The following LMAN2L variants were observed in gnomAD, a reference collection of about 807,000 sequenced individuals.
The protein encoded by LMAN2L is lectin, mannose binding 2 like.
A neutral mutation model predicts 44.3 loss-of-function variants in LMAN2L; 30 were observed. The observed-to-expected ratio is 0.68, with a 90% CI of 0.51 to 0.92. The LOEUF (loss-of-function observed/expected upper bound fraction) is 0.92, where lower values mean the gene tolerates loss of function less well. Among genes scored for constraint, LMAN2L ranks in the 40% least tolerant of loss-of-function variants. LMAN2L has a pLI of 0.00. For missense variants in LMAN2L, 429 were observed against 446.1 expected (o/e 0.96, Z 0.35); for synonymous variants, 183 against 171.1 (o/e 1.07, Z -0.54).
At position 96,707,759 on chromosome 2, in the gene LMAN2L, G is replaced by A. The variant is rs746554700; in HGVS notation, c.859C>T (p.Arg287Ter). ...ERTPEEEKLH[R>*]DVFLPSVDNM... ...TCCACTGAGGGCAAGAACACATCTC[G>A]ATGGAGCTTTTCCTCTTCTGGGGTT... Residue 287 changes from arginine to a stop codon, truncating the protein, a stop_gained, in exon 7 of 8, where the codon CGA becomes TGA. Coordinates refer to ENST00000264963, the MANE Select transcript of LMAN2L (RefSeq NM_030805.4). LOFTEE classifies it high-confidence loss of function. 3 of 1,613,918 alleles carry A rather than the reference G, an allele frequency of 1.9e-6. No homozygotes were observed. The highest frequency in any genetic ancestry group is 8.5e-7 in the Non-Finnish European group (1 of 1,179,940).
At chr2:96,721,326 C>CTTTTTTTTTTTTTTTTTTTTTTTTT (rs56023035) in intron 4 of LMAN2L, among the ~76,000 whole-genome samples, 3 of 84,600 alleles carry the variant, frequency 3.5e-5, no homozygotes, top group African/African-American at 9.8e-5. Flanking sequence ...TTCTTTCAGT[C>CTTTTTTTTTTTTTTTTTTTTTTTTT]TTTTTTTTTT....
At chr2:96,716,331 TAAGAAA>T (rs1467690309) in intron 4 of LMAN2L, among the ~76,000 whole-genome samples, 119 of 152,300 alleles carry the variant, frequency 7.8e-4, no homozygotes, top group East Asian at 1.3e-3. Flanking sequence ...ATTTAGCACT[TAAGAAA>T]AAGAACTTCA....
intron 4 of LMAN2L, chr2:96,712,982 T>G: frequency 2.7e-6 from 2 of 750,578 alleles, no homozygotes; most frequent in South Asian, 1.7e-5. Flanking sequence ...ACATGCAAGA[T>G]GGAGATGCAG....
intron 4 of LMAN2L, among the ~76,000 whole-genome samples, chr2:96,726,127 G>A (rs1157758491): frequency 2.7e-5 from 4 of 148,678 alleles, no homozygotes; most frequent in African/African-American, 7.5e-5. Flanking sequence ...GCAAGACTCC[G>A]TCTCAAAAAA....
Position 96,727,121 on chromosome 2 carries a change from C to T in LMAN2L, c.507+6398G>A, listed in dbSNP as rs375615418. Among the ~76,000 whole-genome samples, 25 of 152,070 alleles carry T rather than the reference C, an allele frequency of 1.6e-4. 2 individuals are homozygous for T. The highest frequency in any genetic ancestry group is 6.6e-4 in the Admixed American group (10 of 15,250). On this transcript the variant is annotated intron_variant, in intron 4 of 7. Transcript: ENST00000264963. ...AAATAAAAAATGTGTGTGTGACACA[C>T]ACACAAACACATATATATATATATT...
chr2:96,712,440 A>G (rs891096193), intron 4 of LMAN2L, among the ~76,000 whole-genome samples: 5 of 152,220 alleles, frequency 3.3e-5, no homozygotes, highest in Non-Finnish European at 7.3e-5. Flanking sequence ...TCACGTCTTC[A>G]TATGTCTAAA....
At chr2:96,733,155 A>G (rs1232738246) in intron 4 of LMAN2L, among the ~76,000 whole-genome samples, 1 of 152,226 alleles carries the variant, frequency 6.6e-6, no homozygotes, top group East Asian at 1.9e-4. Context: ...AGAGCACAGC[A>G]CTGATGGATT....
chr2:96,732,949 A>G (rs943109026), intron 4 of LMAN2L, among the ~76,000 whole-genome samples: 1 of 152,142 alleles, frequency 6.6e-6, no homozygotes, highest in Non-Finnish European at 1.5e-5. Context: ...GGGTTTCACC[A>G]TGTTGGCAAA....
At chr2:96,729,655 C>G (rs1408985599) in intron 4 of LMAN2L, among the ~76,000 whole-genome samples, 1 of 151,466 alleles carries the variant, frequency 6.6e-6, no homozygotes, top group Admixed American at 6.6e-5. Flanking sequence ...ACTACAGGCG[C>G]CCGCCACCAC....
intron 4 of LMAN2L, among the ~76,000 whole-genome samples, chr2:96,722,386 C>A (rs1259928355): frequency 6.6e-6 from 1 of 151,908 alleles, no homozygotes; most frequent in African/African-American, 2.4e-5. Context: ...TAGATAGTCC[C>A]ATCTGGGGGT....
intron 4 of LMAN2L, 81 bp downstream of exon 4, chr2:96,733,438 T>C (rs1221180454): frequency 9.9e-7 from 1 of 1,012,948 alleles, no homozygotes; most frequent in East Asian, 2.4e-5. Context: ...CTATCTCCTT[T>C]GTTCCCTCCT....
chr2:96,721,710 A>C (rs972168928), intron 4 of LMAN2L, among the ~76,000 whole-genome samples: 13 of 151,734 alleles, frequency 8.6e-5, no homozygotes, highest in South Asian at 2.1e-4. Context: ...AAACTCCTAG[A>C]CTCAAGCAAT....
chr2:96,717,279 C>T (rs1012595254), intron 4 of LMAN2L, among the ~76,000 whole-genome samples: 1 of 152,092 alleles, frequency 6.6e-6, no homozygotes, highest in Middle Eastern at 3.4e-3. Flanking sequence ...GTGGCTCACA[C>T]CTATAATCCC....
chr2:96,729,032 C>T (rs909266090), intron 4 of LMAN2L, among the ~76,000 whole-genome samples: 29 of 151,104 alleles, frequency 1.9e-4, no homozygotes, highest in Admixed American at 2.6e-4. Context: ...ATTAGCTGGG[C>T]GTGGTGGCAG....
At chr2:96,713,269 C>A in intron 4 of LMAN2L, 2 of 746,458 alleles carry the variant, frequency 2.7e-6, no homozygotes, top group Non-Finnish European at 4.4e-6. Context: ...CTTAAATCCC[C>A]AAACAGAATT....
At chr2:96,724,558 T>C (rs1006799776) in intron 4 of LMAN2L, among the ~76,000 whole-genome samples, 4 of 152,196 alleles carry the variant, frequency 2.6e-5, no homozygotes, top group Non-Finnish European at 5.9e-5. Context: ...GAGGCTAGAG[T>C]GCAGCGATGC....
intron 4 of LMAN2L, among the ~76,000 whole-genome samples, chr2:96,714,352 G>A (rs1468622291): frequency 6.6e-6 from 1 of 152,222 alleles, no homozygotes; most frequent in African/African-American, 2.4e-5. Context: ...CCACGGCACT[G>A]GGCTCCATGG....
rs576728406 is a variant in LMAN2L at position 96,740,023 on chromosome 2, T to G, written c.18A>C (p.Gly6=). MAATL[G]PLGSWQQWRR... ...GCCACTGCTGCCACGACCCAAGGGGTCCCAGAGTCGCCGCCATCTTTCCCA... is the reference window on the plus strand; with the variant it reads ...GCCACTGCTGCCACGACCCAAGGGGGCCCAGAGTCGCCGCCATCTTTCCCA... The change falls in exon 1 of 8, where the codon GGA becomes GGC. Residue 6 remains glycine, a synonymous_variant. Transcript: ENST00000264963. 4 of 1,607,954 alleles carry G rather than the reference T, an allele frequency of 2.5e-6. No individual in the cohort carries two copies. Among genetic ancestry groups the G allele is most frequent in the Non-Finnish European group, 2.5e-6 (3 of 1,176,986 alleles).
chr2:96,727,131 CAT>C (rs759336727), intron 4 of LMAN2L, among the ~76,000 whole-genome samples: 4 of 150,624 alleles, frequency 2.7e-5, no homozygotes, highest in African/African-American at 4.9e-5. Flanking sequence ...CACACAAACA[CAT>C]ATATATATAT....
Sources: allele counts gnomAD v4.1 joint callset (sites outside exome capture counted in the v4.1 genomes callset), GRCh38; gene constraint gnomAD v4.1.1; transcripts MANE v1.5; gene names NCBI Gene and HGNC (gene_info 2026-07-23, HGNC 2026-07-21).